The following TRIM55 variants were observed in gnomAD, a reference collection of about 807,000 sequenced individuals.
TRIM55 encodes tripartite motif containing 55.
In TRIM55, 50 loss-of-function variants were observed where a neutral mutation model predicts 60.9. That is an observed-to-expected ratio of 0.82 (90% CI 0.65 to 1.04). The LOEUF (loss-of-function observed/expected upper bound fraction) is 1.04, where lower values mean the gene tolerates loss of function less well. TRIM55 is among the 50% of genes least tolerant of loss of function. The probability of loss-of-function intolerance (pLI) is 0.00; values close to 1 mark genes in which losing one functional copy is unlikely to be tolerated. For missense variants in TRIM55, 681 were observed against 666.9 expected (o/e 1.02, Z -0.23); for synonymous variants, 237 against 238.1 (o/e 1.00, Z 0.04).
At chr8:66,119,918 A>G in the TRIM55 span, among the ~76,000 whole-genome samples, 2 of 152,246 alleles carry the variant, frequency 1.3e-5, no homozygotes, top group Non-Finnish European at 2.9e-5. Flanking sequence ...GAGATTGGAC[A>G]CTACAGATAT....
At chr8:66,162,588 G>A (rs1299848735) in intron 9 of TRIM55, among the ~76,000 whole-genome samples, 1 of 151,844 alleles carries the variant, frequency 6.6e-6, no homozygotes, top group Non-Finnish European at 1.5e-5. Flanking sequence ...AGGGTCAATA[G>A]GATTGGTACC....
chr8:66,164,790 CTT>C (rs1456653615), intron 9 of TRIM55, among the ~76,000 whole-genome samples: 1 of 152,154 alleles, frequency 6.6e-6, no homozygotes, highest in Non-Finnish European at 1.5e-5. Flanking sequence ...CTGCAGTCCT[CTT>C]AGTCTCCAAC....
chr8:66,128,559 A>G (rs1407131173), intron 2 of TRIM55, 83 bp downstream of exon 2: 1 of 1,410,498 alleles, frequency 7.1e-7, no homozygotes. Context: ...GCTACGCTGA[A>G]TGCTTGTTTA....
the TRIM55 span, among the ~76,000 whole-genome samples, chr8:66,114,253 C>T: frequency 2.2e-4 from 33 of 152,274 alleles, no homozygotes; most frequent in East Asian, 5.8e-4. Flanking sequence ...TCGATGCCCG[C>T]ATCCTCCAGT....
chr8:66,119,620 G>A, the TRIM55 span, among the ~76,000 whole-genome samples: 1 of 152,206 alleles, frequency 6.6e-6, no homozygotes, highest in Non-Finnish European at 1.5e-5. Flanking sequence ...AAGAATCAGT[G>A]CTGCTCTTCT....
intron 9 of TRIM55, among the ~76,000 whole-genome samples, chr8:66,157,440 A>T (rs1458326929): frequency 6.6e-6 from 1 of 152,164 alleles, no homozygotes; most frequent in African/African-American, 2.4e-5. Context: ...GGTCTGATTC[A>T]CCTTCACCAC....
chr8:66,129,286 C>T (rs969531046), intron 2 of TRIM55, among the ~76,000 whole-genome samples: 18 of 152,224 alleles, frequency 1.2e-4, no homozygotes, highest in South Asian at 4.1e-4. Context: ...CTAGAAGGCA[C>T]GGTGTGAAGA....
chr8:66,114,284 G>A, the TRIM55 span, among the ~76,000 whole-genome samples: 3 of 152,088 alleles, frequency 2.0e-5, no homozygotes, highest in African/African-American at 7.2e-5. Context: ...GTCCCGTACG[G>A]TTTTTCTTTC....
rs1810507598 is a variant in TRIM55, at chr8:66,152,680, G to A, written c.1236+53G>A. The A allele has an allele frequency of 1.9e-6, 3 of 1,571,544 alleles. No individual in the cohort carries two copies. In the African/African-American group the frequency reaches 4.1e-5, roughly 22 times the overall value. On this transcript the variant is annotated intron_variant, in intron 8 of 9. Coordinates refer to ENST00000315962, the MANE Select transcript of TRIM55 (RefSeq NM_184085.2). ...GGGCACATGGGCGTGTCTCCTTATG[G>A]AATAGCCTAAACAATTTACCCTATT...
rs113471191 is a variant in TRIM55, at chr8:66,132,344, T to A, written c.342-2646T>A. ...GGCAGGCACCTGTAATCCCAGCAAC[T>A]TGGGAGACTGAGGCAAGAGAAATGC... On this transcript the variant is annotated intron_variant, in intron 2 of 9. Coordinates refer to ENST00000315962, the MANE Select transcript of TRIM55 (RefSeq NM_184085.2). Among the ~76,000 whole-genome samples the A allele has an allele frequency of 6.9e-3, 1,044 of 152,148 alleles. 10 individuals are homozygous for A. The highest frequency in any genetic ancestry group is 0.024 in the African/African-American group (1,000 of 41,514).
chr8:66,115,871 G>T, the TRIM55 span, among the ~76,000 whole-genome samples: 5 of 152,164 alleles, frequency 3.3e-5, no homozygotes, highest in Non-Finnish European at 5.9e-5. Flanking sequence ...TACAGTGCCT[G>T]GCACATAGTA....
chr8:66,147,611 A>G (rs1477687583), intron 4 of TRIM55, among the ~76,000 whole-genome samples: 1 of 152,058 alleles, frequency 6.6e-6, no homozygotes, highest in Non-Finnish European at 1.5e-5. Context: ...CCTGACCAAT[A>G]TGGTGAAACT....
chr8:66,162,386 A>G (rs748694156), intron 9 of TRIM55, among the ~76,000 whole-genome samples: 1 of 152,032 alleles, frequency 6.6e-6, no homozygotes, highest in Non-Finnish European at 1.5e-5. Flanking sequence ...ATCATGGTGA[A>G]CTAAATTTTT....
At chr8:66,137,272 A>T (rs966254062) in intron 4 of TRIM55, 82 bp downstream of exon 4, 1 of 981,544 alleles carries the variant, frequency 1.0e-6, no homozygotes, top group Non-Finnish European at 1.6e-6. Flanking sequence ...CACACTAGAC[A>T]TCCCTATTCT....
chr8:66,151,905 G>T (rs1810452812), intron 7 of TRIM55, among the ~76,000 whole-genome samples: 1 of 151,458 alleles, frequency 6.6e-6, no homozygotes, highest in African/African-American at 2.4e-5. Context: ...AAAGAGTCGT[G>T]ACATTAATTA....
chr8:66,172,834 A>T (rs983409107), intron 9 of TRIM55, among the ~76,000 whole-genome samples: 1 of 152,256 alleles, frequency 6.6e-6, no homozygotes, highest in Non-Finnish European at 1.5e-5. Flanking sequence ...CTGTTCATCC[A>T]GGCGGAATTC....
rs1810333960 is a variant in TRIM55 at position 66,150,230 on chromosome 8, T to G, written c.851T>G (p.Leu284Arg). 1 of 1,613,104 alleles carries G rather than the reference T, an allele frequency of 6.2e-7. No individual in the cohort carries two copies. Among genetic ancestry groups the G allele is most frequent in the Non-Finnish European group, 8.5e-7 (1 of 1,179,524 alleles). The change falls in exon 6 of 10, where the codon CTG becomes CGG. Residue 284 changes from leucine to arginine, a missense_variant. Transcript: ENST00000315962. ...TTGCTTTCACAGAATGCCAAAACCC[T>G]GCTAAAAAAGTAAGAACTTTTTATT... ...MAVFLQNAKT[L>R]LKKISEASKA...
At position 66,134,238 on chromosome 8, in the gene TRIM55, A is replaced by G. The variant is rs188564251; in HGVS notation, c.342-752A>G. Among the ~76,000 whole-genome samples the G allele has an allele frequency of 2.7e-3, 408 of 152,312 alleles. 1 individual carries two copies. The highest frequency in any genetic ancestry group is 4.8e-3 in the Non-Finnish European group (324 of 68,024). On this transcript the variant is annotated intron_variant, in intron 2 of 9. Transcript: ENST00000315962. ...TTGGAAATTTGAAGAAAGCTTCTGG[A>G]TTTGGATTTGAATTTTTTGAATACT...
rs1421938263 is a variant in TRIM55, at chr8:66,127,292, A to AT, written c.25dup (p.Ser9PhefsTer11). 6.2e-7 allele frequency: 1 copy of AT among 1,614,174 alleles called. No homozygotes were observed. The highest frequency in any genetic ancestry group is 8.5e-7 in the Non-Finnish European group (1 of 1,180,022). On this transcript the variant is annotated frameshift_variant, in exon 1 of 10. Coordinates refer to ENST00000315962, the MANE Select transcript of TRIM55 (RefSeq NM_184085.2). LOFTEE classifies it high-confidence loss of function. ...AGATGAGCGCATCTCTGAATTACAAATCTTTTTCCAAAGAGCAGCAGACCA... is the reference window on the plus strand; with the variant it reads ...AGATGAGCGCATCTCTGAATTACAAATTCTTTTTCCAAAGAGCAGCAGACCA...
Sources: allele counts gnomAD v4.1 joint callset (sites outside exome capture counted in the v4.1 genomes callset), GRCh38; gene constraint gnomAD v4.1.1; transcripts MANE v1.5; gene names NCBI Gene and HGNC (gene_info 2026-07-23, HGNC 2026-07-21).